Variants in SWI5 observed in about 807,000 individuals in gnomAD.
SWI5 encodes the protein DNA repair protein SWI5 homolog.
A neutral mutation model predicts 17.0 loss-of-function variants in SWI5; 12 were observed. That is an observed-to-expected ratio of 0.71 (90% CI 0.45 to 1.14). The LOEUF (loss-of-function observed/expected upper bound fraction) is 1.14. SWI5 is among the 50% of genes most tolerant of loss of function. The pLI, the probability that SWI5 is intolerant of heterozygous loss-of-function variation, is 0.00. For synonymous variants in SWI5, 61 were observed against 64.0 expected (o/e 0.95, Z 0.22); for missense variants, 158 against 162.2 (o/e 0.97, Z 0.14).
chr9:128,277,408 G>T (rs1343516299), intron 2 of SWI5, among the ~76,000 whole-genome samples: 2 of 152,100 alleles, frequency 1.3e-5, no homozygotes, highest in Non-Finnish European at 2.9e-5. Flanking sequence ...AAAAAAATCA[G>T]CCGAGCGTGG....
intron 1 of SWI5, 26 bp from the exon 2 acceptor site, chr9:128,276,680 AG>A: frequency 6.2e-7 from 1 of 1,613,758 alleles, no homozygotes; most frequent in Non-Finnish European, 8.5e-7. Context: ...GGGTCCAATC[AG>A]ACTTTCCCCT....
chr9:128,277,696 T>C (rs1173572520), intron 2 of SWI5, among the ~76,000 whole-genome samples: 1 of 152,126 alleles, frequency 6.6e-6, no homozygotes, highest in Admixed American at 6.5e-5. Flanking sequence ...AGTATGCACA[T>C]GGTTCTGAGA....
upstream of SWI5, among the ~76,000 whole-genome samples, chr9:128,275,683 C>T (rs529053975): frequency 7.8e-4 from 118 of 152,162 alleles, no homozygotes; most frequent in Middle Eastern, 6.8e-3. Context: ...GGAGCACCAG[C>T]CCAAAGTCAC....
intron 2 of SWI5, among the ~76,000 whole-genome samples, chr9:128,283,985 C>A (rs1831587209): frequency 6.8e-6 from 1 of 146,268 alleles, no homozygotes; most frequent in South Asian, 2.2e-4. Context: ...AGAACAAGAC[C>A]CTATTAAAAA....
chr9:128,276,370 G>T, exon 1 of SWI5: 1 of 1,613,258 alleles, frequency 6.2e-7, no homozygotes. Flanking sequence ...TGAACCCCCT[G>T]ATCCGGGGGC....
At chr9:128,287,618 G>A (rs184770122) in intron 4 of SWI5, among the ~76,000 whole-genome samples, 257 of 142,150 alleles carry the variant, frequency 1.8e-3, no homozygotes, top group African/African-American at 6.5e-3. Context: ...TTGGAGTGCA[G>A]TGGCGTGATC....
intron 2 of SWI5, 54 bp from the exon 3 acceptor site, chr9:128,284,456 C>A: frequency 6.3e-7 from 1 of 1,591,050 alleles, no homozygotes; most frequent in Non-Finnish European, 8.5e-7. Context: ...GACATGTAGG[C>A]TGTGAATTGT....
intron 2 of SWI5, among the ~76,000 whole-genome samples, chr9:128,279,302 CAA>C (rs957111816): frequency 2.0e-5 from 3 of 152,132 alleles, no homozygotes; most frequent in African/African-American, 7.2e-5. Context: ...AGACACAAGA[CAA>C]AGAGATAAAG....
intron 4 of SWI5, among the ~76,000 whole-genome samples, chr9:128,287,275 T>C (rs897719206): frequency 6.6e-6 from 1 of 150,982 alleles, no homozygotes; most frequent in Non-Finnish European, 1.5e-5. Flanking sequence ...TGAAACCCTG[T>C]CTCTACTGAA....
intron 2 of SWI5, among the ~76,000 whole-genome samples, chr9:128,278,304 C>G (rs558322406): frequency 6.6e-6 from 1 of 152,180 alleles, no homozygotes; most frequent in South Asian, 2.1e-4. Context: ...CACAGTGACT[C>G]ACGCCTATAA....
At chr9:128,277,713 G>A (rs767692922) in intron 2 of SWI5, among the ~76,000 whole-genome samples, 1 of 152,210 alleles carries the variant, frequency 6.6e-6, no homozygotes, top group African/African-American at 2.4e-5. Flanking sequence ...GAGATGGGGA[G>A]CCCAGGCTTG....
At chr9:128,284,478 C>G in intron 2 of SWI5, 32 bp from the exon 3 acceptor site, 2 of 1,606,258 alleles carry the variant, frequency 1.2e-6, no homozygotes, top group Non-Finnish European at 1.7e-6. Context: ...GATAACTGGT[C>G]AGTCTGGCTG....
At chr9:128,279,534 T>G (rs1164043498) in intron 2 of SWI5, among the ~76,000 whole-genome samples, 1 of 152,218 alleles carries the variant, frequency 6.6e-6, no homozygotes, top group Non-Finnish European at 1.5e-5. Flanking sequence ...GAAGGCAGCA[T>G]ACGTCAGCAT....
At chr9:128,276,325 C>G (rs752635793) in exon 1 of SWI5, 22 of 1,613,190 alleles carry the variant, frequency 1.4e-5, no homozygotes, top group Non-Finnish European at 5.1e-6. Flanking sequence ...TGAGAGGTCG[C>G]TCTCCGACTC....
upstream of SWI5, chr9:128,275,366 C>A: frequency 7.8e-7 from 1 of 1,275,970 alleles, no homozygotes; most frequent in South Asian, 2.7e-5. Context: ...CATTCCACTC[C>A]TAGGGGGAAC....
rs1831602362 is a variant in SWI5 at position 128,284,616 on chromosome 9, C to T, written c.218C>T (p.Ser73Phe). The change falls in exon 3 of 5, where the codon TCC (serine) becomes TTC (phenylalanine). Residue 73 changes from serine (S) to phenylalanine (F), a missense_variant. By Grantham distance (155) the Ser-to-Phe change is radical. Transcript: ENST00000418976. ...AGGGACATGCTGGACAAGGAGATCT[C>T]CCAGTTCGTATCTGAGTAAGTTTCA... 2.5e-6 allele frequency: 4 copies of T among 1,613,520 alleles called. No individual in the cohort carries two copies. The highest frequency in any genetic ancestry group is 3.4e-6 in the Non-Finnish European group (4 of 1,179,796).
At chr9:128,288,577 A>ACTGGCT in intron 4 of SWI5, 75 bp from the exon 5 acceptor site, 1 of 1,545,380 alleles carries the variant, frequency 6.5e-7, no homozygotes, top group Admixed American at 1.7e-5. Context: ...GGGCAGTGAC[A>ACTGGCT]CTGGCTCGGG....
upstream of SWI5, chr9:128,276,178 T>G (rs369988723): frequency 6.3e-6 from 10 of 1,579,704 alleles, no homozygotes; most frequent in South Asian, 9.1e-5. Flanking sequence ...ACCTGTGGCG[T>G]CACAACAAAA....
chr9:128,276,355 G>A, exon 1 of SWI5: 1 of 1,613,252 alleles, frequency 6.2e-7, no homozygotes, highest in South Asian at 1.1e-5. Context: ...ACCCTCTTGC[G>A]CCATTGAACC....
Sources: gnomAD v4.1 joint callset for allele counts (sites outside exome capture counted in the v4.1 genomes callset) on GRCh38, gnomAD v4.1.1 for gene constraint, MANE v1.5 for transcripts, NCBI Gene and HGNC (gene_info 2026-07-23, HGNC 2026-07-21) for gene names.